Variants in SYNJ2 observed in about 807,000 individuals in gnomAD.
SYNJ2 encodes polyphosphatidylinositol phosphatase SYNJ2.
Under a neutral mutation model 141.3 loss-of-function variants are expected in SYNJ2, and 116 were observed. That is an observed-to-expected ratio of 0.82 (90% CI 0.71 to 0.96). The LOEUF (loss-of-function observed/expected upper bound fraction) is 0.96, where lower values mean the gene tolerates loss of function less well. Ranked by LOEUF, SYNJ2 falls within the 40% of genes least tolerant of loss-of-function variation. The pLI, the probability that SYNJ2 is intolerant of heterozygous loss-of-function variation, is 0.00. For missense variants in SYNJ2, 1,873 were observed against 1,934.8 expected (o/e 0.97, Z 0.60); for synonymous variants, 745 against 777.7 (o/e 0.96, Z 0.70).
chr6:158,051,641 G>A (rs925831169), intron 5 of SYNJ2, among the ~76,000 whole-genome samples: 27 of 151,948 alleles, frequency 1.8e-4, no homozygotes, highest in African/African-American at 2.4e-4. Flanking sequence ...GGACTTTGTT[G>A]AACTGTTTAT....
intron 1 of SYNJ2, among the ~76,000 whole-genome samples, chr6:158,011,987 T>C (rs1269653933): frequency 6.6e-6 from 1 of 152,168 alleles, no homozygotes; most frequent in East Asian, 1.9e-4. Context: ...CTGATTTACC[T>C]CTCTGCAGCC....
At chr6:158,016,723 C>T (rs1778473882) in intron 1 of SYNJ2, among the ~76,000 whole-genome samples, 2 of 152,132 alleles carry the variant, frequency 1.3e-5, no homozygotes, top group East Asian at 1.9e-4. Flanking sequence ...AGGCAAGGCA[C>T]GCAGCTTTCC....
chr6:158,071,635 G>C lies in SYNJ2; in HGVS notation c.1974G>C (p.Met658Ile), dbSNP rs978817086. Residue 658 changes from methionine to isoleucine, a missense_variant, in exon 15 of 27, where the codon ATG becomes ATC. Physicochemically the swap from Met to Ile is conservative, Grantham distance 10. Coordinates refer to ENST00000355585, the MANE Select transcript of SYNJ2 (RefSeq NM_003898.4). The surrounding 1 kb of genome is among the most constrained non-coding windows in gnomAD (Gnocchi z 4.3). ...CCATCGACACAGTGAAGACGGGCAT[G>C]GGGGGCAAGGCGGGGAACAAGGGCG... ...DVAIDTVKTG[M>I]GGKAGNKGAV... 3 of 1,613,896 alleles carry C rather than the reference G, an allele frequency of 1.9e-6. No homozygotes were observed. Among genetic ancestry groups the C allele is most frequent in the Non-Finnish European group, 2.5e-6 (3 of 1,180,026 alleles).
chr6:158,098,515 G>C lies in SYNJ2; in HGVS notation c.*2151G>C, dbSNP rs1389586149. ...GGATTTGGAGTTGGTAGTAGGTATG[G>C]TTCTCATACCAGAATTCTCTTAAAA... On this transcript the variant is annotated 3_prime_UTR_variant, in exon 27 of 27. Coordinates refer to ENST00000355585, the MANE Select transcript of SYNJ2 (RefSeq NM_003898.4). 6.6e-6 allele frequency: 1 copy of C among 150,678 alleles called. No homozygotes were observed. The highest frequency in any genetic ancestry group is 2.5e-5 in the African/African-American group (1 of 40,798). The allele number at this position is 150,678 out of a possible 1,614,324, so 9.3% of individuals were successfully genotyped here.
Position 158,081,276 on chromosome 6 carries a change from G to C in SYNJ2, c.2735G>C (p.Arg912Pro), listed in dbSNP as rs151268691. 6.2e-7 allele frequency: 1 copy of C among 1,614,108 alleles called. No homozygotes were observed. Among genetic ancestry groups the C allele is most frequent in the Non-Finnish European group, 8.5e-7 (1 of 1,180,020 alleles). ...EEKNEFPEDL[R>P]TELMQTLGSY... ...AAAAACGAGTTTCCAGAGGACCTGC[G>C]TACTGAGCTCATGCAGACCTTGGGG... is the stretch of plus-strand genomic sequence containing the variant. The change falls in exon 19 of 27, where the codon CGT (arginine) becomes CCT (proline). Residue 912 changes from arginine (R) to proline (P), a missense_variant. Coordinates refer to ENST00000355585, the MANE Select transcript of SYNJ2 (RefSeq NM_003898.4).
chr6:158,081,230 C>A lies in SYNJ2; in HGVS notation c.2689C>A (p.Gln897Lys), dbSNP rs760817255. 1.1e-5 allele frequency: 17 copies of A among 1,614,140 alleles called. No individual in the cohort carries two copies. In the South Asian group the frequency reaches 1.5e-4, roughly 15 times the overall value. ...PLDATVVVNL[Q>K]SPTLEEKNEF... ...GGATGCCACTGTTGTAGTAAACCTT[C>A]AATCACCGACCTTAGAAGAGAAAAA... Residue 897 changes from glutamine (Q) to lysine (K), a missense_variant, in exon 19 of 27, where the codon CAA becomes AAA. Physicochemically the swap from Gln to Lys is moderately conservative, Grantham distance 53. Transcript: ENST00000355585.
At chr6:158,033,321 G>A (rs974094183) in intron 3 of SYNJ2, 134 bp from the exon 4 acceptor site, 2 of 875,266 alleles carry the variant, frequency 2.3e-6, no homozygotes, top group Non-Finnish European at 3.5e-6. Context: ...GAGTCCACTG[G>A]GGAGCAGCAT....
chr6:158,009,689 G>T (rs886237404), intron 1 of SYNJ2, among the ~76,000 whole-genome samples: 4 of 152,200 alleles, frequency 2.6e-5, no homozygotes, highest in African/African-American at 7.2e-5. Flanking sequence ...ATCAAGAAAG[G>T]GGGGATGGAA....
At chr6:158,039,182 T>G (rs1299120136) in intron 4 of SYNJ2, among the ~76,000 whole-genome samples, 1 of 152,256 alleles carries the variant, frequency 6.6e-6, no homozygotes, top group Admixed American at 6.5e-5. Flanking sequence ...TTTGTTTATG[T>G]CACTTTATAG....
chr6:157,990,078 G>A (rs1301087458), intron 1 of SYNJ2, among the ~76,000 whole-genome samples: 2 of 152,216 alleles, frequency 1.3e-5, no homozygotes, highest in Non-Finnish European at 2.9e-5. Context: ...CCGCGAGGCT[G>A]GCAGGCTGCC....
intron 7 of SYNJ2, among the ~76,000 whole-genome samples, chr6:158,061,031 C>G (rs1051738371): frequency 2.0e-5 from 3 of 152,276 alleles, no homozygotes; most frequent in Admixed American, 1.3e-4. Context: ...ATGCATGGCA[C>G]TGAGCCACCA....
chr6:158,013,394 C>A (rs1447488705), intron 1 of SYNJ2, among the ~76,000 whole-genome samples: 1 of 152,142 alleles, frequency 6.6e-6, no homozygotes, highest in African/African-American at 2.4e-5. Flanking sequence ...AAATTGCATA[C>A]AATTTTGAGA....
chr6:158,043,415 A>C lies in SYNJ2; in HGVS notation c.795+16A>C. The C allele has an allele frequency of 6.2e-7, 1 of 1,601,336 alleles. No individual in the cohort carries two copies. The highest frequency in any genetic ancestry group is 8.6e-7 in the Non-Finnish European group (1 of 1,168,760). On this transcript the variant is annotated intron_variant, in intron 5 of 26. Transcript: ENST00000355585. This position sits in a 1 kb window ranked among gnomAD's most constrained non-coding sequence, Gnocchi z 4.0. ...AGGGCTTCAGGTAGGTCATGAAAAA[A>C]CTTAAATGTCCCCTTGTGATGTTGT... is the stretch of plus-strand genomic sequence containing the variant.
At position 158,088,745 on chromosome 6, in the gene SYNJ2, A is replaced by G. The variant is rs777752510; in HGVS notation, c.3429A>G (p.Arg1143=). ...AGTATTCAATTTTGCAGACGGCAAG[A>G]CTTCTACCAGGAGCACCTCAGCAAC... is the stretch of plus-strand genomic sequence containing the variant. ...HGQYSILQTA[R]LLPGAPQQPP... The change falls in exon 24 of 27, where the codon AGA becomes AGG. Residue 1143 remains arginine (R), a synonymous_variant. Transcript: ENST00000355585. 1 of 1,614,032 alleles carries G rather than the reference A, an allele frequency of 6.2e-7. No homozygotes were observed. The highest frequency in any genetic ancestry group is 1.1e-5 in the South Asian group (1 of 91,086).
intron 1 of SYNJ2, among the ~76,000 whole-genome samples, chr6:157,987,992 C>G (rs997053077): frequency 6.6e-6 from 1 of 152,244 alleles, no homozygotes; most frequent in African/African-American, 2.4e-5. Context: ...GGCACTGCCT[C>G]TAGCCCCGGG....
At chr6:158,025,495 G>T (rs1286703095) in intron 2 of SYNJ2, among the ~76,000 whole-genome samples, 6 of 151,872 alleles carry the variant, frequency 4.0e-5, no homozygotes, top group Non-Finnish European at 5.9e-5. Flanking sequence ...GGCCAACATG[G>T]TAACACCCCA....
intron 2 of SYNJ2, among the ~76,000 whole-genome samples, chr6:158,021,730 G>C (rs1217264933): frequency 6.6e-6 from 1 of 152,242 alleles, no homozygotes; most frequent in Non-Finnish European, 1.5e-5. Flanking sequence ...CCCTGGAGGG[G>C]AGTTTGAACC....
chr6:158,028,521 C>G lies in SYNJ2; in HGVS notation c.215-235C>G, dbSNP rs561713665. On this transcript the variant is annotated intron_variant, in intron 2 of 26. Coordinates refer to ENST00000355585, the MANE Select transcript of SYNJ2 (RefSeq NM_003898.4). ...CAGGAATCTGCATGTCTAACAGGCT[C>G]CCAGGGGATGCTGACTTGCTGGCCA... 40 of 577,606 alleles carry G rather than the reference C, an allele frequency of 6.9e-5. No individual in the cohort carries two copies. In the East Asian group the frequency reaches 1.1e-3, roughly 16 times the overall value. 35.8% of individuals were successfully genotyped at this position (577,606 alleles called of 1,614,324 possible). A position where few individuals can be genotyped will look rare whatever the true frequency, so the allele number is the denominator to read the frequency against.
At chr6:158,035,180 A>G (rs1368714221) in intron 4 of SYNJ2, among the ~76,000 whole-genome samples, 1 of 152,194 alleles carries the variant, frequency 6.6e-6, no homozygotes, top group Non-Finnish European at 1.5e-5. Context: ...TTTTGGTTCC[A>G]TATGAATTTT....
Sources: gnomAD v4.1 joint callset for allele counts (sites outside exome capture counted in the v4.1 genomes callset) on GRCh38, gnomAD v4.1.1 for gene constraint, Gnocchi (gnomAD v3.1) non-coding constraint, MANE v1.5 for transcripts, NCBI Gene and HGNC (gene_info 2026-07-23, HGNC 2026-07-21) for gene names.